The following EPB41L5 variants were observed in gnomAD, a reference collection of about 807,000 sequenced individuals.
The protein encoded by EPB41L5 is band 4.1-like protein 5.
In EPB41L5, 55 loss-of-function variants were observed where a neutral mutation model predicts 106.6. That is an observed-to-expected ratio of 0.52 (90% confidence interval 0.42 to 0.65). EPB41L5 has a LOEUF of 0.65. Among genes scored for constraint, EPB41L5 ranks in the 30% least tolerant of loss-of-function variants. The pLI, the probability that EPB41L5 is intolerant of heterozygous loss-of-function variation, is 0.00. For missense variants in EPB41L5, 871 were observed against 882.1 expected (o/e 0.99, Z 0.16); for synonymous variants, 297 against 306.7 (o/e 0.97, Z 0.33).
At chr2:120,071,499 G>A (rs569351161) in intron 3 of EPB41L5, among the ~76,000 whole-genome samples, 17 of 152,228 alleles carry the variant, frequency 1.1e-4, no homozygotes, top group African/African-American at 3.4e-4. Context: ...GAACGAAGCC[G>A]GAGGCATCAC....
chr2:120,154,754 G>C (rs191116128), intron 20 of EPB41L5, among the ~76,000 whole-genome samples: 3 of 151,794 alleles, frequency 2.0e-5, no homozygotes, highest in South Asian at 4.2e-4. Flanking sequence ...GTGAAACCCC[G>C]TCTCTGCTAA....
At chr2:120,106,958 C>A in intron 16 of EPB41L5, 1 of 886,866 alleles carries the variant, frequency 1.1e-6, no homozygotes, top group Non-Finnish European at 1.3e-6. Context: ...ACCTAGTATA[C>A]AAACACTAAT....
At chr2:120,118,942 C>A (rs1685080024) in intron 16 of EPB41L5, among the ~76,000 whole-genome samples, 1 of 152,248 alleles carries the variant, frequency 6.6e-6, no homozygotes, top group Non-Finnish European at 1.5e-5. Flanking sequence ...AACTAATTTA[C>A]ATTCCCACCA....
chr2:120,089,351 AC>A (rs1683261546), intron 11 of EPB41L5, among the ~76,000 whole-genome samples: 1 of 152,072 alleles, frequency 6.6e-6, no homozygotes, highest in South Asian at 2.1e-4. Flanking sequence ...TTCTTCTGGT[AC>A]CTGGTCACCA....
chr2:120,088,036 CAT>C (rs1326031772), intron 11 of EPB41L5, among the ~76,000 whole-genome samples: 4 of 151,804 alleles, frequency 2.6e-5, no homozygotes, highest in Admixed American at 2.6e-4. Flanking sequence ...TAAATTTTAA[CAT>C]ATGCATACAG....
chr2:120,079,446 C>T (rs1430914987), intron 10 of EPB41L5, among the ~76,000 whole-genome samples: 1 of 151,798 alleles, frequency 6.6e-6, no homozygotes, highest in Non-Finnish European at 1.5e-5. Context: ...ATCCCCTAGG[C>T]ACTTAAGCCC....
chr2:120,067,682 G>C (rs1336581932), intron 3 of EPB41L5, among the ~76,000 whole-genome samples: 1 of 152,172 alleles, frequency 6.6e-6, no homozygotes, highest in Non-Finnish European at 1.5e-5. Context: ...CCTTGATTAT[G>C]AGAAAGATCT....
intron 16 of EPB41L5, among the ~76,000 whole-genome samples, chr2:120,112,278 C>CT (rs2105429526): frequency 6.6e-6 from 1 of 152,214 alleles, no homozygotes; most frequent in Admixed American, 6.5e-5. Context: ...GGACATAACC[C>CT]TATTGGGTAA....
At chr2:120,122,624 T>G (rs1685273031) in intron 16 of EPB41L5, among the ~76,000 whole-genome samples, 1 of 152,214 alleles carries the variant, frequency 6.6e-6, no homozygotes. Context: ...CCTCCAGCTT[T>G]GTTCTTTTTG....
chr2:120,099,283 T>C (rs1435576965), intron 14 of EPB41L5, among the ~76,000 whole-genome samples: 1 of 151,996 alleles, frequency 6.6e-6, no homozygotes, highest in East Asian at 1.9e-4. Flanking sequence ...TTGTGAGTTA[T>C]AGTTCATCTT....
chr2:120,098,705 T>C (rs751562361), intron 14 of EPB41L5, among the ~76,000 whole-genome samples: 1 of 152,228 alleles, frequency 6.6e-6, no homozygotes, highest in African/African-American at 2.4e-5. Flanking sequence ...ACTCAACTTG[T>C]AATTGATCTG....
Position 120,042,009 on chromosome 2 carries a change from A to G in EPB41L5, c.184A>G (p.Lys62Glu). The change falls in exon 3 of 25, where the codon AAA becomes GAA. Residue 62 changes from lysine (K) to glutamate (E), a missense_variant. Lys to Glu is a moderately conservative substitution (Grantham distance 56). Transcript: ENST00000263713. The part of the protein sequence containing the change: ...GTDVSVDLPK[K>E]AKGQELFDQI... ...ACTTATTATCTTGCCATTTCAGAAA[A>G]AAGCCAAAGGACAAGAGTTGTTTGA... The G allele has an allele frequency of 1.2e-6, 2 of 1,608,962 alleles. 1 individual carries two copies. The highest frequency in any genetic ancestry group is 1.7e-6 in the Non-Finnish European group (2 of 1,177,442).
chr2:120,158,158 T>C (rs1686980160), intron 20 of EPB41L5, among the ~76,000 whole-genome samples: 1 of 152,210 alleles, frequency 6.6e-6, no homozygotes. Context: ...AGTTGAATTC[T>C]ACCCAATGTG....
At chr2:120,137,576 T>G (rs1180007216) in intron 18 of EPB41L5, among the ~76,000 whole-genome samples, 1 of 152,006 alleles carries the variant, frequency 6.6e-6, no homozygotes, top group Non-Finnish European at 1.5e-5. Context: ...TATGAGCAAC[T>G]ATATGCCAAT....
chr2:120,049,576 G>T (rs969796274), intron 3 of EPB41L5, among the ~76,000 whole-genome samples: 1 of 152,030 alleles, frequency 6.6e-6, no homozygotes, highest in Non-Finnish European at 1.5e-5. Flanking sequence ...GGTGAGATGG[G>T]TCTCCTGAAT....
chr2:120,155,537 C>T (rs1686863514), intron 20 of EPB41L5, among the ~76,000 whole-genome samples: 1 of 151,468 alleles, frequency 6.6e-6, no homozygotes, highest in Non-Finnish European at 1.5e-5. Context: ...AGATTCATGT[C>T]TTTTATCAAA....
At position 120,143,021 on chromosome 2, in the gene EPB41L5, A is replaced by C; in HGVS notation, c.1618A>C (p.Thr540Pro). 1 of 1,612,772 alleles carries C rather than the reference A, an allele frequency of 6.2e-7. No individual in the cohort carries two copies. The highest frequency in any genetic ancestry group is 8.5e-7 in the Non-Finnish European group (1 of 1,178,978). Residue 540 changes from threonine to proline, a missense_variant, in exon 19 of 25, where the codon ACT becomes CCT. By Grantham distance (38) the Thr-to-Pro change is conservative. Coordinates refer to ENST00000263713, the MANE Select transcript of EPB41L5 (RefSeq NM_020909.4). ...INSQEEVVKL[T>P]EKCLNNVIES... is the part of the protein sequence containing the mutation. Reference sequence around the variant, plus strand: ...TATCTAGGAGGAAGTGGTGAAGTTGACTGAGAAATGCCTTAATAATGTCAT... The same window carrying C: ...TATCTAGGAGGAAGTGGTGAAGTTGCCTGAGAAATGCCTTAATAATGTCAT...
intron 16 of EPB41L5, among the ~76,000 whole-genome samples, chr2:120,102,643 A>G (rs1355943585): frequency 2.6e-5 from 4 of 152,214 alleles, no homozygotes; most frequent in Non-Finnish European, 5.9e-5. Flanking sequence ...ATTGGGCAGA[A>G]TAATGGACCA....
chr2:120,122,113 C>G lies in EPB41L5; in HGVS notation c.1338-5575C>G, dbSNP rs541911099. Among the ~76,000 whole-genome samples the G allele has an allele frequency of 2.0e-5, 3 of 152,262 alleles. No individual in the cohort carries two copies. The South Asian group carries it at 6.2e-4, about 32-fold the overall frequency. On this transcript the variant is annotated intron_variant, in intron 16 of 24. Coordinates refer to ENST00000263713, the MANE Select transcript of EPB41L5 (RefSeq NM_020909.4). ...TGGGTAGATTGCAAAAATGTTCTCC[C>G]ATTCTGTAGGTTGCCTGTTCACTCT...
Sources: gnomAD v4.1 joint callset for allele counts (sites outside exome capture counted in the v4.1 genomes callset) on GRCh38, gnomAD v4.1.1 for gene constraint, MANE v1.5 for transcripts, NCBI Gene and HGNC (gene_info 2026-07-23, HGNC 2026-07-21) for gene names.